C1GALT1: variants seen among roughly 807,000 people sequenced by gnomAD.
C1GALT1 encodes core 1 synthase, glycoprotein-N-acetylgalactosamine 3-beta-galactosyltransferase 1.
In C1GALT1, 11 loss-of-function variants were observed where a neutral mutation model predicts 31.0. That is an observed-to-expected ratio of 0.36 (90% CI 0.22 to 0.59). The LOEUF is 0.59. C1GALT1 is among the 20% of genes least tolerant of loss of function. C1GALT1 has a pLI of 0.79. For missense variants in C1GALT1, 424 were observed against 425.2 expected, an observed-to-expected ratio of 1.00 and a Z score of 0.03; for synonymous variants, 175 against 143.6, an observed-to-expected ratio of 1.22 and a Z score of -1.56.
At chr7:7,225,740 C>T (rs772377055) in intron 1 of C1GALT1, among the ~76,000 whole-genome samples, 1 of 152,156 alleles carries the variant, frequency 6.6e-6, no homozygotes, top group Non-Finnish European at 1.5e-5. Context: ...ACATTAACAT[C>T]CTCCCAGTCC....
chr7:7,200,732 T>C lies in C1GALT1; in HGVS notation c.-18+17912T>C, dbSNP rs573888500. 5.3e-4 allele frequency among the ~76,000 whole-genome samples: 80 copies of C among 152,254 alleles called. 2 individuals carry two copies. The Middle Eastern group carries it at 0.01, about 19-fold the overall frequency. On this transcript the variant is annotated intron_variant, in intron 1 of 3. Transcript: ENST00000436587. Reference sequence around the variant, plus strand: ...CTTTCTCTAAACTTCTCTTCTCTCTTCATTTCATTCATTTGATCTTCAATC... The same window carrying C: ...CTTTCTCTAAACTTCTCTTCTCTCTCCATTTCATTCATTTGATCTTCAATC...
chr7:7,241,615 A>T (rs543083182), intron 3 of C1GALT1, among the ~76,000 whole-genome samples: 57 of 152,114 alleles, frequency 3.7e-4, no homozygotes, highest in African/African-American at 1.3e-3. Context: ...ATAGGTATGC[A>T]ATATTTTTGT....
intron 1 of C1GALT1, among the ~76,000 whole-genome samples, chr7:7,227,140 T>C (rs1024066532): frequency 2.0e-5 from 3 of 152,220 alleles, no homozygotes; most frequent in Non-Finnish European, 1.5e-5. Flanking sequence ...TCAGATTTTT[T>C]AGATTCCTTT....
intron 1 of C1GALT1, among the ~76,000 whole-genome samples, chr7:7,187,556 C>T (rs369385580): frequency 2.0e-5 from 3 of 152,012 alleles, no homozygotes; most frequent in Admixed American, 6.6e-5. Flanking sequence ...TTTGTCACAA[C>T]TAGGGGGAAT....
intron 1 of C1GALT1, among the ~76,000 whole-genome samples, chr7:7,215,457 G>T (rs908183658): frequency 1.4e-5 from 2 of 140,730 alleles, no homozygotes; most frequent in Admixed American, 6.8e-5. Context: ...AGCATATCAG[G>T]CTTCTGGGTT....
chr7:7,243,199 T>G (rs1783706634), intron 3 of C1GALT1, among the ~76,000 whole-genome samples: 1 of 152,102 alleles, frequency 6.6e-6, no homozygotes, highest in South Asian at 2.1e-4. Flanking sequence ...GAGAAGGAGA[T>G]TTCTCCTTGT....
chr7:7,241,207 T>C (rs761953815), intron 3 of C1GALT1, among the ~76,000 whole-genome samples: 98 of 152,008 alleles, frequency 6.4e-4, no homozygotes, highest in Admixed American at 3.3e-3. Context: ...CTGAAACATA[T>C]TAGTACATAA....
intron 1 of C1GALT1, among the ~76,000 whole-genome samples, chr7:7,210,757 G>T (rs944377381): frequency 1.3e-5 from 2 of 152,134 alleles, no homozygotes. Context: ...AACATGTAGG[G>T]CAAGGGCAAG....
chr7:7,166,921 A>G (rs1203597792), intron 2 of C1GALT1, among the ~76,000 whole-genome samples: 1 of 152,128 alleles, frequency 6.6e-6, no homozygotes, highest in Non-Finnish European at 1.5e-5. Flanking sequence ...AGTCCTTTTT[A>G]TTTACAGCTG....
In C1GALT1 at chr7:7,231,697, A is replaced by G. The variant is rs558462214; in HGVS notation, c.-17-2606A>G. Among the ~76,000 whole-genome samples the G allele has an allele frequency of 8.1e-4, 122 of 150,554 alleles. 2 individuals carry two copies. The South Asian group carries it at 0.012, about 15-fold the overall frequency. ...ATTTGAGTCTTTTGGCTCTGTTTCT[A>G]TTGTCTACTTTTTTGTGTTTAGCCG... On this transcript the variant is annotated intron_variant, in intron 1 of 3. Transcript: ENST00000436587.
chr7:7,168,393 G>C (rs1780420373), intron 2 of C1GALT1, among the ~76,000 whole-genome samples: 1 of 152,134 alleles, frequency 6.6e-6, no homozygotes, highest in Non-Finnish European at 1.5e-5. Flanking sequence ...CACCTGGTGA[G>C]AATAAAAGTG....
At chr7:7,166,974 C>T (rs1780400708) in intron 2 of C1GALT1, among the ~76,000 whole-genome samples, 1 of 152,172 alleles carries the variant, frequency 6.6e-6, no homozygotes, top group Non-Finnish European at 1.5e-5. Context: ...CAAGATCTTT[C>T]CACTAAACTG....
intron 3 of C1GALT1, among the ~76,000 whole-genome samples, chr7:7,241,042 A>C (rs1216114311): frequency 6.6e-6 from 1 of 152,032 alleles, no homozygotes; most frequent in Non-Finnish European, 1.5e-5. Flanking sequence ...TAGACTTTTC[A>C]CCAGAGAAGT....
chr7:7,193,657 G>T (rs1781167053), intron 1 of C1GALT1, among the ~76,000 whole-genome samples: 1 of 151,922 alleles, frequency 6.6e-6, no homozygotes, highest in Admixed American at 6.6e-5. Context: ...TTGGCTATGT[G>T]TGTTCCTTTT....
At chr7:7,166,622 T>C (rs1315291919) in intron 2 of C1GALT1, among the ~76,000 whole-genome samples, 1 of 152,174 alleles carries the variant, frequency 6.6e-6, no homozygotes, top group Non-Finnish European at 1.5e-5. Context: ...ACTTTATGTA[T>C]ACTTATTGAA....
chr7:7,205,984 GT>G (rs1220540921), intron 1 of C1GALT1, among the ~76,000 whole-genome samples: 1 of 151,826 alleles, frequency 6.6e-6, no homozygotes, highest in Non-Finnish European at 1.5e-5. Flanking sequence ...CTGCATTACT[GT>G]CTCATTTCTT....
chr7:7,236,316 A>G lies in C1GALT1; in HGVS notation c.220+1777A>G, dbSNP rs149498512. ...TTATTTATCAAGTTCAGCGGTGGAC[A>G]AACCTGTCTTACCTGAATGAAACAG... is the stretch of plus-strand genomic sequence containing the variant. On this transcript the variant is annotated intron_variant, in intron 2 of 3. Coordinates refer to ENST00000436587, the MANE Select transcript of C1GALT1 (RefSeq NM_020156.5). Among the ~76,000 whole-genome samples the G allele has an allele frequency of 3.5e-3, 540 of 152,306 alleles. 2 individuals carry two copies. Among genetic ancestry groups the G allele is most frequent in the Admixed American group, 5.8e-3 (89 of 15,298 alleles).
intron 1 of C1GALT1, among the ~76,000 whole-genome samples, chr7:7,184,861 A>G (rs970448141): frequency 6.6e-6 from 1 of 152,272 alleles, no homozygotes; most frequent in African/African-American, 2.4e-5. Context: ...AAAGAAAGGT[A>G]TGACAAAAAT....
rs536118129 is a variant in C1GALT1 at position 7,247,448 on chromosome 7, G to C, written c.*3721G>C. The C allele has an allele frequency of 6.6e-6, 1 of 152,196 alleles. No homozygotes were observed. The highest frequency in any genetic ancestry group is 2.4e-5 in the African/African-American group (1 of 41,556). The allele number at this position is 152,196 out of a possible 1,614,324, so 9.4% of individuals were successfully genotyped here. A position where few individuals can be genotyped will look rare whatever the true frequency, so the allele number is the denominator to read the frequency against. ...AAATTTCAGAGGGCTTTTTCTTACT[G>C]TAATGAGGTATGAAAATAAATCATT... On this transcript the variant is annotated 3_prime_UTR_variant, in exon 4 of 4. Transcript: ENST00000436587.
Sources: allele counts gnomAD v4.1 joint callset (sites outside exome capture counted in the v4.1 genomes callset), GRCh38; gene constraint gnomAD v4.1.1; transcripts MANE v1.5; gene names NCBI Gene and HGNC (gene_info 2026-07-23, HGNC 2026-07-21).